Variants in CADPS2 observed in about 807,000 individuals in gnomAD.
CADPS2 encodes the protein calcium-dependent secretion activator 2.
In CADPS2, 93 loss-of-function variants were observed where a neutral mutation model predicts 172.5. The observed-to-expected ratio is 0.54, with a 90% confidence interval of 0.46 to 0.64. CADPS2 has a LOEUF of 0.64. Among genes scored for constraint, CADPS2 ranks in the 30% least tolerant of loss-of-function variants. CADPS2 has a pLI of 0.00. For synonymous variants in CADPS2, 546 were observed against 555.2 expected, an observed-to-expected ratio of 0.98 and a Z score of 0.23; for missense variants, 1,420 against 1,565.9, an observed-to-expected ratio of 0.91 and a Z score of 1.57.
intron 9 of CADPS2, among the ~76,000 whole-genome samples, chr7:122,495,561 T>A (rs2058668841): frequency 6.6e-6 from 1 of 152,236 alleles, no homozygotes; most frequent in African/African-American, 2.4e-5. Context: ...ATCCTAGTGA[T>A]GTCCTTCACT....
chr7:122,491,933 G>C (rs1056136110), intron 9 of CADPS2, among the ~76,000 whole-genome samples: 7 of 152,152 alleles, frequency 4.6e-5, no homozygotes, highest in African/African-American at 7.2e-5. Flanking sequence ...AGCACTTTGG[G>C]ATGCTGAGGC....
intron 25 of CADPS2, among the ~76,000 whole-genome samples, chr7:122,376,533 A>G (rs1177314574): frequency 6.6e-6 from 1 of 152,172 alleles, no homozygotes; most frequent in Non-Finnish European, 1.5e-5. Context: ...TCAAAATAAC[A>G]GAAGCAGAGG....
At chr7:122,705,060 C>G (rs2086774385) in intron 2 of CADPS2, among the ~76,000 whole-genome samples, 1 of 151,986 alleles carries the variant, frequency 6.6e-6, no homozygotes, top group African/African-American at 2.4e-5. Flanking sequence ...ATTCTCGACA[C>G]AAAATAAGCT....
chr7:122,501,874 CAA>C (rs1173009562), intron 9 of CADPS2, among the ~76,000 whole-genome samples: 4 of 42,196 alleles, frequency 9.5e-5, no homozygotes, highest in South Asian at 1.2e-3. Context: ...GACTCCGTCT[CAA>C]AAAAAAAAAA....
chr7:122,710,040 AAAGTAT>A (rs1465911541), intron 2 of CADPS2, among the ~76,000 whole-genome samples: 4 of 136,866 alleles, frequency 2.9e-5, no homozygotes, highest in Admixed American at 7.6e-5. Flanking sequence ...CCTAAAACTT[AAAGTAT>A]AATAAAAAAA....
intron 1 of CADPS2, among the ~76,000 whole-genome samples, chr7:122,738,752 T>A (rs961147332): frequency 1.1e-4 from 17 of 152,050 alleles, no homozygotes; most frequent in African/African-American, 4.1e-4. Context: ...TGGGTTTTAT[T>A]TAGGACTCTA....
intron 2 of CADPS2, among the ~76,000 whole-genome samples, chr7:122,727,216 C>A (rs2091198339): frequency 6.6e-6 from 1 of 151,890 alleles, no homozygotes; most frequent in African/African-American, 2.4e-5. Context: ...AGTATTAAGA[C>A]TATGGCATAG....
chr7:122,865,592 CT>C (rs1485815297), intron 1 of CADPS2, among the ~76,000 whole-genome samples: 1 of 152,202 alleles, frequency 6.6e-6, no homozygotes, highest in African/African-American at 2.4e-5. Flanking sequence ...TCTGCAATTC[CT>C]CATTAAGACT....
At chr7:122,444,525 G>A (rs545998277) in intron 15 of CADPS2, among the ~76,000 whole-genome samples, 1 of 152,194 alleles carries the variant, frequency 6.6e-6, no homozygotes, top group South Asian at 2.1e-4. Context: ...GTATGCAGTG[G>A]TATCTAACTA....
At position 122,642,532 on chromosome 7, in the gene CADPS2, A is replaced by G. The variant is rs140558998; in HGVS notation, c.787-13204T>C. Among the ~76,000 whole-genome samples, 3 of 135,502 alleles carry G rather than the reference A, an allele frequency of 2.2e-5. No homozygotes were observed. The East Asian group carries it at 6.7e-4, about 30-fold the overall frequency. 88.9% of individuals were successfully genotyped at this position (135,502 alleles called of 152,430 possible). A position where few individuals can be genotyped will look rare whatever the true frequency, so the allele number is the denominator to read the frequency against. On this transcript the variant is annotated intron_variant, in intron 3 of 29. Coordinates refer to ENST00000449022, the MANE Select transcript of CADPS2 (RefSeq NM_017954.11). ...TTAAACGTAGCATAAAATAACTACT[A>G]AGTTTCACCCAACAGCTTTTTTTTT...
At chr7:122,450,520 CCTTT>C (rs1162854628) in intron 15 of CADPS2, among the ~76,000 whole-genome samples, 1 of 126,212 alleles carries the variant, frequency 7.9e-6, no homozygotes, top group Non-Finnish European at 1.6e-5. Flanking sequence ...GTATTGGTGG[CCTTT>C]TTTTTTTTTT....
At chr7:122,656,576 T>G (rs1270004164) in intron 3 of CADPS2, among the ~76,000 whole-genome samples, 2 of 152,142 alleles carry the variant, frequency 1.3e-5, no homozygotes, top group Non-Finnish European at 2.9e-5. Flanking sequence ...ACAGGTCCAC[T>G]AAAAGACTGA....
chr7:122,809,526 G>A (rs1032439191), intron 1 of CADPS2, among the ~76,000 whole-genome samples: 2 of 151,140 alleles, frequency 1.3e-5, no homozygotes, highest in East Asian at 1.9e-4. Flanking sequence ...GTTGCAGTGC[G>A]CTGAGATCGT....
chr7:122,691,175 G>T (rs986766005), intron 2 of CADPS2, among the ~76,000 whole-genome samples: 6 of 152,046 alleles, frequency 3.9e-5, no homozygotes, highest in African/African-American at 1.4e-4. Context: ...CTGCTATCAG[G>T]TAAGTCGTCC....
chr7:122,356,873 T>A (rs2039473090), intron 27 of CADPS2, among the ~76,000 whole-genome samples: 1 of 152,080 alleles, frequency 6.6e-6, no homozygotes, highest in African/African-American at 2.4e-5. Flanking sequence ...TGCTCCACGT[T>A]CATCTTGTAT....
intron 17 of CADPS2, among the ~76,000 whole-genome samples, chr7:122,430,752 T>C (rs772899154): frequency 2.0e-5 from 3 of 152,202 alleles, no homozygotes; most frequent in Non-Finnish European, 4.4e-5. Flanking sequence ...CTATGAAACA[T>C]GCAAATAATT....
intron 1 of CADPS2, among the ~76,000 whole-genome samples, chr7:122,803,973 G>GGAAAAAAAAAA (rs1798219470): frequency 1.0e-5 from 1 of 97,588 alleles, no homozygotes; most frequent in African/African-American, 4.4e-5. Flanking sequence ...AGGCTTGAAT[G>GGAAAAAAAAAA]GAAAAAAAAA....
chr7:122,883,139 T>C (rs1405207836), intron 1 of CADPS2, among the ~76,000 whole-genome samples: 1 of 152,210 alleles, frequency 6.6e-6, no homozygotes, highest in Non-Finnish European at 1.5e-5. Flanking sequence ...AAATAGCTCA[T>C]AGACACAACC....
chr7:122,501,688 C>T (rs372803482), intron 9 of CADPS2, among the ~76,000 whole-genome samples: 5 of 151,366 alleles, frequency 3.3e-5, no homozygotes, highest in Admixed American at 1.3e-4. Context: ...ACCGTAGAGA[C>T]GGTAGTGAAA....
Sources: gnomAD v4.1 joint callset for allele counts (sites outside exome capture counted in the v4.1 genomes callset) on GRCh38, gnomAD v4.1.1 for gene constraint, MANE v1.5 for transcripts, NCBI Gene and HGNC (gene_info 2026-07-23, HGNC 2026-07-21) for gene names.